The following HDLBP variants were observed in gnomAD, a reference collection of about 807,000 sequenced individuals.
HDLBP encodes the protein high density lipoprotein binding protein.
In HDLBP, 30 loss-of-function variants were observed where a neutral mutation model predicts 137.3. The observed-to-expected ratio is 0.22, with a 90% CI of 0.16 to 0.30. The LOEUF (loss-of-function observed/expected upper bound fraction) is 0.30. Ranked by LOEUF, HDLBP falls within the 10% of genes least tolerant of loss-of-function variation. The probability of loss-of-function intolerance (pLI) is 1.00; values close to 1 mark genes in which losing one functional copy is unlikely to be tolerated. For missense variants in HDLBP, 1,119 were observed against 1,667.3 expected (o/e 0.67, Z 5.73); for synonymous variants, 606 against 596.0 (o/e 1.02, Z -0.24).
At chr2:241,295,512 G>C (rs1318706186) in intron 1 of HDLBP, among the ~76,000 whole-genome samples, 2 of 152,156 alleles carry the variant, frequency 1.3e-5, no homozygotes, top group African/African-American at 2.4e-5. Flanking sequence ...CTGAATCATG[G>C]AGATGATGCC....
chr2:241,253,371 A>G, intron 10 of HDLBP, 22 bp downstream of exon 10: 1 of 1,507,246 alleles, frequency 6.6e-7, no homozygotes, highest in Non-Finnish European at 9.2e-7. Flanking sequence ...CAGCACACAC[A>G]ACATTCCAAG....
At chr2:241,270,126 A>C (rs1339641386) in intron 1 of HDLBP, among the ~76,000 whole-genome samples, 2 of 152,174 alleles carry the variant, frequency 1.3e-5, no homozygotes, top group Admixed American at 1.3e-4. Flanking sequence ...CTGTGCACCC[A>C]GTGTCAGTCT....
chr2:241,242,612 C>T lies in HDLBP; in HGVS notation c.2017G>A (p.Gly673Ser), dbSNP rs1156288804. 6.2e-7 allele frequency: 1 copy of T among 1,614,132 alleles called. No individual in the cohort carries two copies. The highest frequency in any genetic ancestry group is 1.1e-5 in the South Asian group (1 of 91,086). The change falls in exon 17 of 28, where the codon GGC (glycine) becomes AGC (serine). Residue 673 changes from glycine to serine, a missense_variant. Physicochemically the swap from Gly to Ser is moderately conservative, Grantham distance 56. This residue lies in a region of HDLBP where 618 missense variants were observed against 816.7 expected (regional missense o/e 0.76). Transcript: ENST00000310931. ...TCCATGATGGAGCGGATCAGACGGC[C>T]CTTGGTGCCAATGAGGGAGTTGTGC... ...KLHNSLIGTK[G>S]RLIRSIMEEC...
intron 2 of HDLBP, 132 bp downstream of exon 2, chr2:241,268,345 G>A (rs531869387): frequency 1.8e-4 from 87 of 483,888 alleles, no homozygotes; most frequent in African/African-American, 1.1e-3. Context: ...CATCTCTGAC[G>A]AACCACGAGA....
chr2:241,280,971 T>C (rs1326551983), intron 1 of HDLBP, among the ~76,000 whole-genome samples: 4 of 152,182 alleles, frequency 2.6e-5, no homozygotes, highest in African/African-American at 9.7e-5. Context: ...ACAGAAACAA[T>C]CAGCACATAT....
In HDLBP at chr2:241,272,752, C is replaced by A; in HGVS notation, c.-102-4211G>T. On this transcript the variant is annotated intron_variant, in intron 1 of 27. Transcript: ENST00000310931. The surrounding 1 kb of genome is among the most constrained non-coding windows in gnomAD (Gnocchi z 5.6). ...GCCCAGGCCTCCCAGCCCCGTGTTGCGCGCTCACTCGTGGGCCCCCGCCCG... is the reference window on the plus strand; with the variant it reads ...GCCCAGGCCTCCCAGCCCCGTGTTGAGCGCTCACTCGTGGGCCCCCGCCCG... 2.9e-6 allele frequency: 1 copy of A among 347,140 alleles called. No homozygotes were observed. Among genetic ancestry groups the A allele is most frequent in the Non-Finnish European group, 4.0e-6 (1 of 251,906 alleles). The allele number at this position is 347,140 out of a possible 1,614,324, so 21.5% of individuals were successfully genotyped here.
chr2:241,267,636 C>G (rs1467850985), intron 2 of HDLBP: 1 of 1,535,660 alleles, frequency 6.5e-7, no homozygotes, highest in African/African-American at 1.4e-5. Context: ...CGGTCTCTCT[C>G]TGCAAGGTGC....
chr2:241,295,798 G>C (rs1311937944), intron 1 of HDLBP, among the ~76,000 whole-genome samples: 1 of 152,214 alleles, frequency 6.6e-6, no homozygotes, highest in Non-Finnish European at 1.5e-5. Flanking sequence ...CGTGAAGAGG[G>C]AGGCAGGGGT....
intron 2 of HDLBP, chr2:241,267,870 G>C (rs59934670): frequency 0.18 from 180,120 of 985,268 alleles, 17,424 homozygotes; most frequent in East Asian, 0.41. Context: ...AGGGCGCTGA[G>C]TTTCTCATTA....
chr2:241,264,677 T>C (rs1043835981), intron 3 of HDLBP, 72 bp from the exon 4 acceptor site: 376 of 1,442,960 alleles, frequency 2.6e-4, no homozygotes, highest in Non-Finnish European at 3.3e-4. Context: ...TTAAGGGTTT[T>C]AGTGCTTAAA....
intron 3 of HDLBP, 62 bp from the exon 4 acceptor site, chr2:241,264,667 T>C (rs763816398): frequency 3.3e-6 from 5 of 1,517,696 alleles, no homozygotes; most frequent in African/African-American, 2.7e-5. Flanking sequence ...AAAAACACTT[T>C]TAAGGGTTTT....
intron 3 of HDLBP, chr2:241,266,417 C>T (rs749662862): frequency 5.2e-5 from 12 of 232,298 alleles, no homozygotes; most frequent in Non-Finnish European, 8.6e-5. Flanking sequence ...AACTCCGAAG[C>T]CAGGGTCCAG....
At chr2:241,303,475 C>T (rs1481213264) in intron 1 of HDLBP, among the ~76,000 whole-genome samples, 1 of 152,198 alleles carries the variant, frequency 6.6e-6, no homozygotes, top group East Asian at 1.9e-4. Flanking sequence ...ACCTGCTACA[C>T]AACACAGCTG....
At chr2:241,304,020 T>C (rs56061376) in intron 1 of HDLBP, among the ~76,000 whole-genome samples, 48,241 of 151,950 alleles carry the variant, frequency 0.32, 8,388 homozygotes, top group East Asian at 0.51. Flanking sequence ...CTTTGTTGCC[T>C]AGGCTGGTCT....
chr2:241,294,964 T>C (rs977149077), intron 1 of HDLBP, among the ~76,000 whole-genome samples: 1 of 151,916 alleles, frequency 6.6e-6, no homozygotes, highest in Non-Finnish European at 1.5e-5. Context: ...TAGCCAGGCA[T>C]GGTGGTGGGT....
intron 9 of HDLBP, 27 bp downstream of exon 9, chr2:241,255,024 T>C: frequency 6.7e-7 from 1 of 1,485,698 alleles, no homozygotes; most frequent in Non-Finnish European, 9.4e-7. Flanking sequence ...ACAAATTCAA[T>C]ACAACAGGTG....
In HDLBP at chr2:241,244,940, G is replaced by A. The variant is rs942228422; in HGVS notation, c.1950+1812C>T. On this transcript the variant is annotated intron_variant, in intron 16 of 27. Coordinates refer to ENST00000310931, the MANE Select transcript of HDLBP (RefSeq NM_005336.6). Reference sequence around the variant, plus strand: ...AATGGGTGTAGTTTCTGTGTAAGATGATGGAAATGCTCTGAAAATGGACAG... The same window carrying A: ...AATGGGTGTAGTTTCTGTGTAAGATAATGGAAATGCTCTGAAAATGGACAG... Among the ~76,000 whole-genome samples the A allele has an allele frequency of 4.3e-4, 65 of 152,196 alleles. 1 individual carries two copies. The highest frequency in any genetic ancestry group is 3.2e-3 in the Admixed American group (49 of 15,286).
At chr2:241,311,475 G>A (rs78522331) in intron 1 of HDLBP, among the ~76,000 whole-genome samples, 24,071 of 152,224 alleles carry the variant, frequency 0.16, 2,094 homozygotes, top group Middle Eastern at 0.28. Context: ...AAGAGGGAGT[G>A]AGGAGAGTTA....
chr2:241,239,759 C>T lies in HDLBP; in HGVS notation c.2453G>A (p.Arg818His), dbSNP rs200702604. The T allele has an allele frequency of 8.7e-6, 14 of 1,614,038 alleles. No homozygotes were observed. Among genetic ancestry groups the T allele is most frequent in the East Asian group, 4.5e-5 (2 of 44,900 alleles). Reference sequence around the variant, plus strand: ...AATCTCCCGCAAGACCTGGCCTCTGCGGATGACGAAGTGGCGGTGGTGCTT... The same window carrying T: ...AATCTCCCGCAAGACCTGGCCTCTGTGGATGACGAAGTGGCGGTGGTGCTT... ...DPKHHRHFVI[R>H]RGQVLREIAE... The change falls in exon 19 of 28, where the codon CGC (arginine) becomes CAC (histidine). Residue 818 changes from arginine (R) to histidine (H), a missense_variant. Arg to His is a conservative substitution (Grantham distance 29). Around this residue, in one of 4 missense-constraint regions of HDLBP, gnomAD observed 618 missense variants for 816.7 expected, o/e 0.76. Coordinates refer to ENST00000310931, the MANE Select transcript of HDLBP (RefSeq NM_005336.6). This position sits in a 1 kb window ranked among gnomAD's most constrained non-coding sequence, Gnocchi z 4.6.
Sources: allele counts gnomAD v4.1 joint callset (sites outside exome capture counted in the v4.1 genomes callset), GRCh38; gene constraint gnomAD v4.1.1; regional missense constraint gnomAD v4.1.1; non-coding constraint Gnocchi (gnomAD v3.1); transcripts MANE v1.5; gene names NCBI Gene and HGNC (gene_info 2026-07-23, HGNC 2026-07-21).